The following SHISAL1 variants were observed in gnomAD, a reference collection of about 807,000 sequenced individuals.
The protein encoded by SHISAL1 is shisa like 1, also known as protein shisa-like-1.
A neutral mutation model predicts 22.6 loss-of-function variants in SHISAL1; 9 were observed. The ratio of observed to expected loss-of-function variants is 0.40; its 90% CI spans 0.24 to 0.70. SHISAL1 has a LOEUF of 0.70. Among genes scored for constraint, SHISAL1 ranks in the 30% least tolerant of loss-of-function variants. The pLI is 0.39. For missense variants in SHISAL1, 246 were observed against 270.6 expected (o/e 0.91, Z 0.64); for synonymous variants, 119 against 115.4 (o/e 1.03, Z -0.20).
intron 4 of SHISAL1, among the ~76,000 whole-genome samples, chr22:44,278,792 C>A (rs562981791): frequency 3.4e-4 from 51 of 152,216 alleles, no homozygotes; most frequent in Non-Finnish European, 5.7e-4. Context: ...TCAGCCACAT[C>A]CAGGATGCGG....
chr22:44,258,725 A>G (rs2055101292), intron 4 of SHISAL1, among the ~76,000 whole-genome samples: 1 of 152,180 alleles, frequency 6.6e-6, no homozygotes, highest in Non-Finnish European at 1.5e-5. Flanking sequence ...GTGAGGGTGC[A>G]AGAGCCCCTA....
rs1221170087 is a variant in SHISAL1 at position 44,244,216 on chromosome 22, A to ATAGTT, written c.*5464_*5468dup. The ATAGTT allele has an allele frequency of 6.6e-6, 1 of 152,222 alleles. No homozygotes were observed. Among genetic ancestry groups the ATAGTT allele is most frequent in the African/African-American group, 2.4e-5 (1 of 41,444 alleles). The allele number at this position is 152,222 out of a possible 1,614,324, so 9.4% of individuals were successfully genotyped here. A position where few individuals can be genotyped will look rare whatever the true frequency, so the allele number is the denominator to read the frequency against. ...TGTGGCCAGGGTGGCCATATCATCT[A>ATAGTT]TAGTTTTAGATCCTGTGCTCAGGGT... On this transcript the variant is annotated 3_prime_UTR_variant, in exon 5 of 5. Transcript: ENST00000381176.
intron 4 of SHISAL1, among the ~76,000 whole-genome samples, chr22:44,282,171 G>A (rs547060329): frequency 2.8e-4 from 42 of 152,252 alleles, no homozygotes; most frequent in Admixed American, 2.2e-3. Flanking sequence ...GCCGGCCTCC[G>A]CTGGGGAGCC....
intron 4 of SHISAL1, among the ~76,000 whole-genome samples, chr22:44,264,949 CAACA>C (rs2055151634): frequency 6.6e-6 from 1 of 152,024 alleles, no homozygotes; most frequent in Non-Finnish European, 1.5e-5. Context: ...ACAACGTCCC[CAACA>C]CACACCAGAG....
chr22:44,325,116 G>A, the SHISAL1 span, among the ~76,000 whole-genome samples: 6 of 152,070 alleles, frequency 3.9e-5, no homozygotes, highest in African/African-American at 7.2e-5. Flanking sequence ...GGTGGTGGGC[G>A]CCTGTAATCC....
rs565123988 is a variant in SHISAL1 at position 44,246,834 on chromosome 22, G to A, written c.*2851C>T. 1 of 15,852 alleles carries A rather than the reference G, an allele frequency of 6.3e-5. No individual in the cohort carries two copies. The highest frequency in any genetic ancestry group is 9.5e-4 in the East Asian group (1 of 1,050). The allele number at this position is 15,852 out of a possible 1,614,324, so 1.0% of individuals were successfully genotyped here. A position where few individuals can be genotyped will look rare whatever the true frequency, so the allele number is the denominator to read the frequency against. ...GCTCGTGGGGGTGACCTGCAGGAAGGAGGATGCCGTGGCTGTCTGCACCAG... is the reference window on the plus strand; with the variant it reads ...GCTCGTGGGGGTGACCTGCAGGAAGAAGGATGCCGTGGCTGTCTGCACCAG... On this transcript the variant is annotated 3_prime_UTR_variant, in exon 5 of 5. Transcript: ENST00000381176.
chr22:44,310,754 C>A lies in SHISAL1; in HGVS notation c.-33+1997G>T, dbSNP rs2055512541. 6.6e-6 allele frequency among the ~76,000 whole-genome samples: 1 copy of A among 152,058 alleles called. No homozygotes were observed. The highest frequency in any genetic ancestry group is 2.4e-5 in the African/African-American group (1 of 41,420). Reference sequence around the variant, plus strand: ...AACTCCATGTCTACGTCTGATTTCCCCAGTTCATCTTTCCGTGCTTTGCTT... The same window carrying A: ...AACTCCATGTCTACGTCTGATTTCCACAGTTCATCTTTCCGTGCTTTGCTT... On this transcript the variant is annotated intron_variant, in intron 1 of 4. Transcript: ENST00000381176. The surrounding 1 kb of genome is among the most constrained non-coding windows in gnomAD (Gnocchi z 4.0).
chr22:44,256,233 C>T (rs1368174847), intron 4 of SHISAL1, among the ~76,000 whole-genome samples: 1 of 151,588 alleles, frequency 6.6e-6, no homozygotes, highest in Non-Finnish European at 1.5e-5. Flanking sequence ...AGGCCCTCGA[C>T]TCACACCATC....
intron 3 of SHISAL1, among the ~76,000 whole-genome samples, chr22:44,290,703 G>A (rs2055347222): frequency 6.6e-6 from 1 of 152,086 alleles, no homozygotes; most frequent in African/African-American, 2.4e-5. Flanking sequence ...GGGAAACTGA[G>A]CTTCAGTTTC....
intron 4 of SHISAL1, among the ~76,000 whole-genome samples, chr22:44,272,124 C>T (rs1274850765): frequency 6.6e-6 from 1 of 152,134 alleles, no homozygotes; most frequent in African/African-American, 2.4e-5. Flanking sequence ...GCAGGTAGCA[C>T]GTCCCCAGAA....
chr22:44,252,408 A>T (rs1292012900), intron 4 of SHISAL1, among the ~76,000 whole-genome samples: 1 of 152,188 alleles, frequency 6.6e-6, no homozygotes, highest in Non-Finnish European at 1.5e-5. Context: ...ATGTCATGTT[A>T]TAATTATGAA....
At chr22:44,309,532 T>G (rs2055503244) in intron 1 of SHISAL1, among the ~76,000 whole-genome samples, 1 of 151,808 alleles carries the variant, frequency 6.6e-6, no homozygotes, top group Non-Finnish European at 1.5e-5. Flanking sequence ...AGCCCTATGC[T>G]GCACCCTCAG....
At chr22:44,283,191 C>T (rs1333095126) in intron 4 of SHISAL1, among the ~76,000 whole-genome samples, 1 of 152,234 alleles carries the variant, frequency 6.6e-6, no homozygotes, top group Non-Finnish European at 1.5e-5. Flanking sequence ...TATCCTGCAC[C>T]ACACCTTTGT....
At chr22:44,313,131 C>G (rs1224392617), upstream of SHISAL1, among the ~76,000 whole-genome samples, 1 of 152,252 alleles carries the variant, frequency 6.6e-6, no homozygotes, top group South Asian at 2.1e-4. Context: ...CCAGCAAGAG[C>G]CCCATTTTAC....
intron 3 of SHISAL1, among the ~76,000 whole-genome samples, chr22:44,291,305 G>A (rs961932099): frequency 3.9e-5 from 6 of 152,136 alleles, no homozygotes; most frequent in Non-Finnish European, 5.9e-5. Context: ...TCAAGCTCCC[G>A]GGACCTCTGA....
rs1401928577 is a variant in SHISAL1, at chr22:44,310,571, A to AC, written c.-33+2179dup. 1.3e-5 allele frequency among the ~76,000 whole-genome samples: 2 copies of AC among 152,134 alleles called. No individual in the cohort carries two copies. The highest frequency in any genetic ancestry group is 2.9e-5 in the Non-Finnish European group (2 of 68,022). On this transcript the variant is annotated intron_variant, in intron 1 of 4. Coordinates refer to ENST00000381176, the MANE Select transcript of SHISAL1 (RefSeq NM_001099294.2). This position sits in a 1 kb window ranked among gnomAD's most constrained non-coding sequence, Gnocchi z 4.0. ...GCCCCACACCTTGCAGGTATACCAAACATAGAAAGGACCAGAAGCTAGCAG... is the reference window on the plus strand; with the variant it reads ...GCCCCACACCTTGCAGGTATACCAAACCATAGAAAGGACCAGAAGCTAGCAG...
chr22:44,305,919 C>T lies in SHISAL1; in HGVS notation c.-32-4942G>A, dbSNP rs138954700. Among the ~76,000 whole-genome samples, 26 of 152,328 alleles carry T rather than the reference C, an allele frequency of 1.7e-4. No individual in the cohort carries two copies. In the South Asian group the frequency reaches 3.3e-3, roughly 19 times the overall value. ...AGGTAGGGGCTGCCCTTACTCCCCA[C>T]GCCCCCAAGGCAGCTCAGGGCCAGA... On this transcript the variant is annotated intron_variant, in intron 1 of 4. Coordinates refer to ENST00000381176, the MANE Select transcript of SHISAL1 (RefSeq NM_001099294.2).
chr22:44,258,979 C>T (rs1406154614), intron 4 of SHISAL1, among the ~76,000 whole-genome samples: 2 of 152,090 alleles, frequency 1.3e-5, no homozygotes, highest in African/African-American at 4.8e-5. Context: ...GTGACCAGCT[C>T]AACATTCTGG....
chr22:44,288,509 C>T (rs1190789847), intron 3 of SHISAL1, among the ~76,000 whole-genome samples: 3 of 152,072 alleles, frequency 2.0e-5, no homozygotes, highest in Non-Finnish European at 2.9e-5. Context: ...GGTGTGGTGG[C>T]GGGCGCCTGT....
Sources: allele counts gnomAD v4.1 joint callset (sites outside exome capture counted in the v4.1 genomes callset), GRCh38; gene constraint gnomAD v4.1.1; non-coding constraint Gnocchi (gnomAD v3.1); transcripts MANE v1.5; gene names NCBI Gene and HGNC (gene_info 2026-07-23, HGNC 2026-07-21).